STXBP5: variants seen among roughly 807,000 people sequenced by gnomAD.
STXBP5 encodes syntaxin binding protein 5.
STXBP5 carries 50 observed loss-of-function variants against 152.4 expected under a neutral mutation model. The ratio of observed to expected loss-of-function variants is 0.33; its 90% CI spans 0.26 to 0.42. The LOEUF (loss-of-function observed/expected upper bound fraction) is 0.42. STXBP5 is among the 10% of genes least tolerant of loss of function. STXBP5 has a pLI of 1.00. For synonymous variants in STXBP5, 492 were observed against 494.7 expected (o/e 0.99, Z 0.07); for missense variants, 1,167 against 1,388.6 (o/e 0.84, Z 2.54).
intron 2 of STXBP5, among the ~76,000 whole-genome samples, chr6:147,233,956 C>A (rs1290980046): frequency 6.6e-6 from 1 of 150,746 alleles, no homozygotes; most frequent in Non-Finnish European, 1.5e-5. Flanking sequence ...ACATACTCAA[C>A]CTGTTAATTT....
intron 25 of STXBP5, among the ~76,000 whole-genome samples, chr6:147,365,866 T>C (rs1785267077): frequency 6.6e-6 from 1 of 152,168 alleles, no homozygotes; most frequent in Non-Finnish European, 1.5e-5. Context: ...TTTATGGAGT[T>C]TCCAGTCAAG....
intron 16 of STXBP5, among the ~76,000 whole-genome samples, chr6:147,318,894 G>A (rs1453314122): frequency 1.3e-5 from 2 of 151,868 alleles, no homozygotes; most frequent in African/African-American, 4.8e-5. Flanking sequence ...ATTTTTTATA[G>A]GCAATTTGTT....
intron 2 of STXBP5, among the ~76,000 whole-genome samples, chr6:147,230,014 G>T (rs1409153074): frequency 6.6e-6 from 1 of 151,868 alleles, no homozygotes; most frequent in Admixed American, 6.6e-5. Flanking sequence ...CCTTTGTCAT[G>T]TTGAGGAAAT....
chr6:147,224,035 T>C (rs1009707554), intron 2 of STXBP5, among the ~76,000 whole-genome samples: 22 of 152,260 alleles, frequency 1.4e-4, no homozygotes, highest in Non-Finnish European at 2.9e-4. Context: ...TCTTGAGTTA[T>C]GGTGTTTTTC....
chr6:147,316,703 T>C (rs1782662078), intron 16 of STXBP5, among the ~76,000 whole-genome samples: 1 of 152,206 alleles, frequency 6.6e-6, no homozygotes, highest in South Asian at 2.1e-4. Context: ...ATCAGTGTTT[T>C]TAGTCTTGAT....
At chr6:147,286,097 AAC>A (rs1780947727) in intron 8 of STXBP5, among the ~76,000 whole-genome samples, 2 of 152,288 alleles carry the variant, frequency 1.3e-5, no homozygotes, top group East Asian at 1.9e-4. Context: ...TTCCTTGTAT[AAC>A]ACAAGGGACT....
At chr6:147,281,937 A>G (rs949265756) in intron 8 of STXBP5, among the ~76,000 whole-genome samples, 1 of 152,204 alleles carries the variant, frequency 6.6e-6, no homozygotes, top group Admixed American at 6.5e-5. Flanking sequence ...TCATCCATGA[A>G]TACAAATAAT....
chr6:147,296,441 A>C (rs1336628506), intron 9 of STXBP5, among the ~76,000 whole-genome samples: 1 of 152,054 alleles, frequency 6.6e-6, no homozygotes, highest in African/African-American at 2.4e-5. Flanking sequence ...ACCAAAGCCA[A>C]CACACCCTAC....
At chr6:147,211,588 TTTTG>T (rs1314517546) in intron 2 of STXBP5, among the ~76,000 whole-genome samples, 1 of 152,030 alleles carries the variant, frequency 6.6e-6, no homozygotes, top group Non-Finnish European at 1.5e-5. Flanking sequence ...AGCCAGTGTG[TTTTG>T]TTTGTTTGTT....
rs1041444352 is a variant in STXBP5, at chr6:147,236,707, C to T, written c.330+1376C>T. On this transcript the variant is annotated intron_variant, in intron 3 of 27. Transcript: ENST00000321680. The stretch of plus-strand genomic sequence containing the variant: ...AGGGAAAATAAAGAAGTGCCTTCAG[C>T]ACTAAGGGAATCCCTTTGTAATTGA... Among the ~76,000 whole-genome samples, 4 of 151,724 alleles carry T rather than the reference C, an allele frequency of 2.6e-5. 1 individual carries two copies. In the South Asian group the frequency reaches 8.3e-4, roughly 31 times the overall value.
At chr6:147,310,484 A>G (rs1782312944) in intron 10 of STXBP5, among the ~76,000 whole-genome samples, 1 of 152,098 alleles carries the variant, frequency 6.6e-6, no homozygotes, top group Non-Finnish European at 1.5e-5. Context: ...ATAGTAATGT[A>G]TTAGTAAGGA....
chr6:147,324,145 G>A (rs573787653), intron 16 of STXBP5, among the ~76,000 whole-genome samples: 1 of 151,616 alleles, frequency 6.6e-6, no homozygotes, highest in Non-Finnish European at 1.5e-5. Context: ...AGTGAAAGTA[G>A]GTGCACACAC....
intron 22 of STXBP5, among the ~76,000 whole-genome samples, chr6:147,354,081 AT>A (rs1188111590): frequency 1.4e-5 from 2 of 141,504 alleles, no homozygotes; most frequent in Non-Finnish European, 3.2e-5. Context: ...AATAGGTATG[AT>A]TGTGTAAGGA....
chr6:147,372,431 TTTTTTTTTTTTTTTTTTTTTTTTTTTTG>T (rs1785598188), intron 25 of STXBP5, among the ~76,000 whole-genome samples: 1 of 76,814 alleles, frequency 1.3e-5, no homozygotes, highest in Admixed American at 1.3e-4. Context: ...TTTTTTTTTT[TTTTTTTTTTTTTTTTTTTTTTTTTTTTG>T]AGACAGATTC....
Position 147,260,887 on chromosome 6 carries a change from G to GT in STXBP5, c.566+144dup, listed in dbSNP as rs1190568469. ...CTTAATATTAAGTACAGATTTATTA[G>GT]TTTTTTATGAGTAGTATTTTGACAT... On this transcript the variant is annotated intron_variant, in intron 5 of 27. Coordinates refer to ENST00000321680, the MANE Select transcript of STXBP5 (RefSeq NM_001127715.4). 6.2e-5 allele frequency: 70 copies of GT among 1,132,234 alleles called. No individual in the cohort carries two copies. In the African/African-American group the frequency reaches 7.4e-4, roughly 12 times the overall value. 70.1% of individuals were successfully genotyped at this position (1,132,234 alleles called of 1,614,324 possible). A position where few individuals can be genotyped will look rare whatever the true frequency, so the allele number is the denominator to read the frequency against.
At chr6:147,208,610 G>C (rs946611695) in intron 2 of STXBP5, among the ~76,000 whole-genome samples, 1 of 152,068 alleles carries the variant, frequency 6.6e-6, no homozygotes, top group Non-Finnish European at 1.5e-5. Context: ...TATCCTAAAA[G>C]ATATCATTAG....
intron 4 of STXBP5, among the ~76,000 whole-genome samples, chr6:147,245,878 G>A (rs1778786025): frequency 6.6e-6 from 1 of 152,150 alleles, no homozygotes; most frequent in South Asian, 2.1e-4. Context: ...GCATGCAACA[G>A]ATTCTCCCCT....
chr6:147,384,817 A>G lies in STXBP5; in HGVS notation c.*62A>G. ...GAAAAAAGTTTTCCATTTTTATTAC[A>G]TTCTTTAGGAAAGTTAACGTTAAAG... On this transcript the variant is annotated 3_prime_UTR_variant, in exon 28 of 28. Transcript: ENST00000321680. 1 of 1,509,554 alleles carries G rather than the reference A, an allele frequency of 6.6e-7. No homozygotes were observed. Among genetic ancestry groups the G allele is most frequent in the Admixed American group, 1.8e-5 (1 of 55,336 alleles). 93.5% of individuals were successfully genotyped at this position (1,509,554 alleles called of 1,614,324 possible). A position where few individuals can be genotyped will look rare whatever the true frequency, so the allele number is the denominator to read the frequency against.
At chr6:147,311,403 T>A in intron 10 of STXBP5, 52 bp from the exon 11 acceptor site, 2 of 1,416,370 alleles carry the variant, frequency 1.4e-6, no homozygotes, top group Non-Finnish European at 2.0e-6. Flanking sequence ...TTATCTAATT[T>A]GCTGTCCACT....
Sources: gnomAD v4.1 joint callset for allele counts (sites outside exome capture counted in the v4.1 genomes callset) on GRCh38, gnomAD v4.1.1 for gene constraint, MANE v1.5 for transcripts, NCBI Gene and HGNC (gene_info 2026-07-23, HGNC 2026-07-21) for gene names.